PPM1G: variants seen among roughly 807,000 people sequenced by gnomAD.
PPM1G encodes the protein protein phosphatase, Mg2+/Mn2+ dependent 1G, also known as protein phosphatase 1G.
PPM1G carries 12 observed loss-of-function variants against 59.4 expected under a neutral mutation model. That is an observed-to-expected ratio of 0.20 (90% confidence interval 0.13 to 0.33). The LOEUF is 0.33. Ranked by LOEUF, PPM1G falls within the 10% of genes least tolerant of loss-of-function variation. The pLI is 1.00. For synonymous variants in PPM1G, 245 were observed against 251.9 expected (o/e 0.97, Z 0.26); for missense variants, 392 against 681.3 (o/e 0.58, Z 4.73).
At position 27,385,159 on chromosome 2, in the gene PPM1G, A is replaced by T. The variant is rs1683734293; in HGVS notation, c.410-71T>A. The T allele has an allele frequency of 1.3e-6, 2 of 1,489,024 alleles. No individual in the cohort carries two copies. The highest frequency in any genetic ancestry group is 2.8e-5 in the African/African-American group (2 of 71,306). 92.2% of individuals were successfully genotyped at this position (1,489,024 alleles called of 1,614,324 possible). The stretch of plus-strand genomic sequence containing the variant: ...TGGGATCCGTCCCTCTCACTACCTC[A>T]ACAGCCCTTGCAGCCTCTAACTTCC... On this transcript the variant is annotated intron_variant, in intron 4 of 9. Coordinates refer to ENST00000344034, the MANE Select transcript of PPM1G (RefSeq NM_177983.3). This position sits in a 1 kb window ranked among gnomAD's most constrained non-coding sequence, Gnocchi z 4.1.
chr2:27,384,907 C>A lies in PPM1G; in HGVS notation c.591G>T (p.Arg197Ser). The change falls in exon 5 of 10, where the codon AGG becomes AGT. Residue 197 changes from arginine (R) to serine (S), a missense_variant. Transcript: ENST00000344034. This position sits in a 1 kb window ranked among gnomAD's most constrained non-coding sequence, Gnocchi z 4.8. ...NGEAGPEDSTRETPSQENGPT... is the reference protein window; with the variant it reads ...NGEAGPEDSTSETPSQENGPT... ...GGCCATTTTCTTGTGAAGGAGTTTC[C>A]CTAGTTGAGTCCTCAGGTCCTGCCT... The A allele has an allele frequency of 1.2e-6, 2 of 1,614,148 alleles. No individual in the cohort carries two copies. The highest frequency in any genetic ancestry group is 1.7e-6 in the Non-Finnish European group (2 of 1,180,026).
Position 27,382,029 on chromosome 2 carries a change from C to T in PPM1G, c.1434+97G>A. 1 of 1,257,584 alleles carries T rather than the reference C, an allele frequency of 8.0e-7. No homozygotes were observed. Among genetic ancestry groups the T allele is most frequent in the Middle Eastern group, 2.6e-4 (1 of 3,840 alleles). The allele number at this position is 1,257,584 out of a possible 1,614,324, so 77.9% of individuals were successfully genotyped here. A position where few individuals can be genotyped will look rare whatever the true frequency, so the allele number is the denominator to read the frequency against. ...GGGGTTTAGCGTCTGTCAGCAATTA[C>T]TGATAATGCTCCCAGATTGCCGACT... On this transcript the variant is annotated intron_variant, in intron 9 of 9. Transcript: ENST00000344034. This position sits in a 1 kb window ranked among gnomAD's most constrained non-coding sequence, Gnocchi z 4.2.
Position 27,385,367 on chromosome 2 carries a change from T to C in PPM1G, c.410-279A>G, listed in dbSNP as rs1683738860. The C allele has an allele frequency of 2.3e-6, 1 of 434,680 alleles. No homozygotes were observed. Among genetic ancestry groups the C allele is most frequent in the African/African-American group, 2.0e-5 (1 of 49,118 alleles). The allele number at this position is 434,680 out of a possible 1,614,324, so 26.9% of individuals were successfully genotyped here. ...TTATTGTTAAGTTGTAAAAACCCTA[T>C]TCTGGCTGAGGATCCAGGAAGCCCA... On this transcript the variant is annotated intron_variant, in intron 4 of 9. Transcript: ENST00000344034. The surrounding 1 kb of genome is among the most constrained non-coding windows in gnomAD (Gnocchi z 4.1).
rs539676450 is a variant in PPM1G, at chr2:27,389,251, T to C, written c.121-2093A>G. Among the ~76,000 whole-genome samples the C allele has an allele frequency of 2.7e-4, 41 of 152,164 alleles. 1 individual carries two copies. The highest frequency in any genetic ancestry group is 2.4e-4 in the Non-Finnish European group (16 of 67,988). ...TGCTACATAAAAATATATATATATATACACACACACATACACATATATGTA... is the reference window on the plus strand; with the variant it reads ...TGCTACATAAAAATATATATATATACACACACACACATACACATATATGTA... On this transcript the variant is annotated intron_variant, in intron 1 of 9. Coordinates refer to ENST00000344034, the MANE Select transcript of PPM1G (RefSeq NM_177983.3).
chr2:27,395,702 A>G (rs1373616996), intron 1 of PPM1G, among the ~76,000 whole-genome samples: 4 of 151,854 alleles, frequency 2.6e-5, no homozygotes, highest in Non-Finnish European at 5.9e-5. Context: ...TAAATTAGCC[A>G]CAAGTGGTGG....
intron 1 of PPM1G, chr2:27,393,227 C>G (rs1031870368): frequency 6.4e-7 from 1 of 1,565,958 alleles, no homozygotes; most frequent in African/African-American, 1.3e-5. Flanking sequence ...TCTTCAAAGC[C>G]ACATCATCGC....
chr2:27,404,875 C>CA (rs1409567735), intron 1 of PPM1G, among the ~76,000 whole-genome samples: 1 of 144,622 alleles, frequency 6.9e-6, no homozygotes, highest in African/African-American at 2.6e-5. Flanking sequence ...ACTCAGGAGG[C>CA]AGAGGTTGCA....
intron 2 of PPM1G, 124 bp from the exon 3 acceptor site, chr2:27,386,403 T>A: frequency 3.1e-6 from 2 of 648,100 alleles, no homozygotes; most frequent in Non-Finnish European, 5.4e-6. Context: ...TTAGCACCCC[T>A]GAACCCTATT....
At chr2:27,394,786 A>G (rs995864541) in intron 1 of PPM1G, among the ~76,000 whole-genome samples, 3 of 150,620 alleles carry the variant, frequency 2.0e-5, no homozygotes, top group South Asian at 2.1e-4. Flanking sequence ...AACTGGAATG[A>G]TATTTCATTT....
At chr2:27,397,538 C>A (rs1684080862) in intron 1 of PPM1G, among the ~76,000 whole-genome samples, 1 of 151,928 alleles carries the variant, frequency 6.6e-6, no homozygotes, top group South Asian at 2.1e-4. Context: ...GTTTAACATT[C>A]AAAAAAATCA....
At chr2:27,405,162 C>A (rs1307333314) in intron 1 of PPM1G, among the ~76,000 whole-genome samples, 2 of 150,252 alleles carry the variant, frequency 1.3e-5, no homozygotes, top group African/African-American at 4.9e-5. Flanking sequence ...CAACCTCCGC[C>A]TCCCAGGTTC....
At chr2:27,402,984 C>G (rs1214380308) in intron 1 of PPM1G, among the ~76,000 whole-genome samples, 2 of 149,414 alleles carry the variant, frequency 1.3e-5, no homozygotes, top group African/African-American at 2.5e-5. Context: ...GGCTGGAAGA[C>G]CCCTTGAGCC....
rs1572658068 is a variant in PPM1G at position 27,381,204 on chromosome 2, T to G, written c.*395A>C. 9 of 286,330 alleles carry G rather than the reference T, an allele frequency of 3.1e-5. No individual in the cohort carries two copies. Among genetic ancestry groups the G allele is most frequent in the East Asian group, 8.3e-5 (1 of 12,096 alleles). 17.7% of individuals were successfully genotyped at this position (286,330 alleles called of 1,614,324 possible). On this transcript the variant is annotated 3_prime_UTR_variant, in exon 10 of 10. Transcript: ENST00000344034. ...AAAGGACACGATGCGTACGATTAGGTTTTGGCCTTTAGTCTGAAAAAGTGT... is the reference window on the plus strand; with the variant it reads ...AAAGGACACGATGCGTACGATTAGGGTTTGGCCTTTAGTCTGAAAAAGTGT...
At chr2:27,390,766 G>T (rs1683880535) in intron 1 of PPM1G, among the ~76,000 whole-genome samples, 1 of 152,132 alleles carries the variant, frequency 6.6e-6, no homozygotes. Flanking sequence ...CAGGTGCTGG[G>T]TATAGTATCA....
chr2:27,402,979 G>T (rs1030855158), intron 1 of PPM1G, among the ~76,000 whole-genome samples: 11 of 150,572 alleles, frequency 7.3e-5, no homozygotes, highest in Non-Finnish European at 1.5e-4. Flanking sequence ...GCTGAGGCTG[G>T]AAGACCCCTT....
chr2:27,381,651 C>G lies in PPM1G; in HGVS notation c.1589G>C (p.Gly530Ala). 6.2e-7 allele frequency: 1 copy of G among 1,614,068 alleles called. No homozygotes were observed. Among genetic ancestry groups the G allele is most frequent in the Non-Finnish European group, 8.5e-7 (1 of 1,180,032 alleles). Residue 530 changes from glycine to alanine, a missense_variant, in exon 10 of 10, where the codon GGG becomes GCG. Gly to Ala is a moderately conservative substitution (Grantham distance 60, BLOSUM62 0). Around this residue, in one of 6 missense-constraint regions of PPM1G, gnomAD observed 49 missense variants for 43.4 expected, o/e 1.13. Coordinates refer to ENST00000344034, the MANE Select transcript of PPM1G (RefSeq NM_177983.3). The stretch of plus-strand genomic sequence containing the variant: ...GTCGCTGTTGCCATTTTCTTCAGCC[C>G]CCTCAGTAGAGAGCACCTCCTCTAG... ...RKLEEVLSTEGAEENGNSDKK... is the reference protein window; with the variant it reads ...RKLEEVLSTEAAEENGNSDKK...
Position 27,383,696 on chromosome 2 carries a change from ACCCCCAAAAGAGCTTTAACAAACAGGAG to A in PPM1G, c.967-124_967-97del. On this transcript the variant is annotated intron_variant, in intron 6 of 9. Transcript: ENST00000344034. This position sits in a 1 kb window ranked among gnomAD's most constrained non-coding sequence, Gnocchi z 5.0. ...TTCACCTATGCTTGCTTTCACTGGG[ACCCCCAAAAGAGCTTTAACAAACAGGAG>A]AAGCACACATTTCATCTTTCTAGAG... The A allele has an allele frequency of 7.6e-7, 1 of 1,309,422 alleles. No homozygotes were observed. Among genetic ancestry groups the A allele is most frequent in the Non-Finnish European group, 1.0e-6 (1 of 952,972 alleles). The allele number at this position is 1,309,422 out of a possible 1,614,324, so 81.1% of individuals were successfully genotyped here.
intron 1 of PPM1G, among the ~76,000 whole-genome samples, chr2:27,406,529 T>C (rs781334617): frequency 6.6e-5 from 10 of 152,194 alleles, no homozygotes; most frequent in South Asian, 2.1e-4. Context: ...AAGATTTTAA[T>C]ACCCTAAGCA....
rs1260896434 is a variant in PPM1G at position 27,387,094 on chromosome 2, T to C, written c.185A>G (p.His62Arg). The C allele has an allele frequency of 6.2e-7, 1 of 1,610,288 alleles. No individual in the cohort carries two copies. Among genetic ancestry groups the C allele is most frequent in the Admixed American group, 1.7e-5 (1 of 60,000 alleles). ...ETAMFSVYDG[H>R]GGEEVALYCA... Reference sequence around the variant, plus strand: ...ATATGATCTGTTAAAGTTACCTCCATGTCCATCGTAGACAGAAAACATGGC... The same window carrying C: ...ATATGATCTGTTAAAGTTACCTCCACGTCCATCGTAGACAGAAAACATGGC... Residue 62 changes from histidine (H) to arginine (R), a missense_variant, in exon 2 of 10, where the codon CAT (histidine) becomes CGT (arginine). His to Arg is a conservative substitution (Grantham distance 29). This residue lies in a region of PPM1G where 68 missense variants were observed against 145.9 expected (regional missense o/e 0.47). Coordinates refer to ENST00000344034, the MANE Select transcript of PPM1G (RefSeq NM_177983.3).
Sources: allele counts gnomAD v4.1 joint callset (sites outside exome capture counted in the v4.1 genomes callset), GRCh38; gene constraint gnomAD v4.1.1; regional missense constraint gnomAD v4.1.1; non-coding constraint Gnocchi (gnomAD v3.1); transcripts MANE v1.5; gene names NCBI Gene and HGNC (gene_info 2026-07-23, HGNC 2026-07-21).